Variants in ASIC2 observed in about 807,000 individuals in gnomAD.
ASIC2 encodes acid-sensing ion channel 2.
ASIC2 carries 25 observed loss-of-function variants against 57.3 expected under a neutral mutation model. The ratio of observed to expected loss-of-function variants is 0.44; its 90% CI spans 0.32 to 0.61. The LOEUF (loss-of-function observed/expected upper bound fraction) is 0.61. Ranked by LOEUF, ASIC2 falls within the 20% of genes least tolerant of loss-of-function variation. ASIC2 has a pLI of 0.06. For missense variants in ASIC2, 641 were observed against 738.1 expected, an observed-to-expected ratio of 0.87 and a Z score of 1.52; for synonymous variants, 319 against 307.5, an observed-to-expected ratio of 1.04 and a Z score of -0.39.
chr17:33,484,833 A>T (rs543449310), intron 1 of ASIC2, among the ~76,000 whole-genome samples: 1 of 152,312 alleles, frequency 6.6e-6, no homozygotes, highest in East Asian at 1.9e-4. Context: ...CATAGCAACA[A>T]CACAAAAGCT....
intron 1 of ASIC2, among the ~76,000 whole-genome samples, chr17:33,196,301 G>A (rs1298552616): frequency 6.7e-6 from 1 of 148,892 alleles, no homozygotes; most frequent in Non-Finnish European, 1.5e-5. Context: ...AAAAGTACAC[G>A]AGACGATGAT....
rs1443098013 is a variant in ASIC2, at chr17:34,091,509, T to A, written c.555+64469A>T. Among the ~76,000 whole-genome samples the A allele has an allele frequency of 2.0e-5, 3 of 152,232 alleles. No individual in the cohort carries two copies. In the South Asian group the frequency reaches 6.2e-4, roughly 31 times the overall value. Reference sequence around the variant, plus strand: ...ATCTCCCCATTATGCAGCCAGGAACTGGGGAGTGGGAGAATCCCTGGCAGC... The same window carrying A: ...ATCTCCCCATTATGCAGCCAGGAACAGGGGAGTGGGAGAATCCCTGGCAGC... On this transcript the variant is annotated intron_variant, in intron 1 of 9. Transcript: ENST00000359872.
intron 1 of ASIC2, among the ~76,000 whole-genome samples, chr17:34,135,288 T>C (rs1912095779): frequency 6.6e-6 from 1 of 152,218 alleles, no homozygotes; most frequent in East Asian, 1.9e-4. Context: ...GGCAGCTGAA[T>C]CACTGAAAGC....
chr17:33,939,721 C>T (rs952000428), intron 1 of ASIC2, among the ~76,000 whole-genome samples: 1 of 152,210 alleles, frequency 6.6e-6, no homozygotes, highest in African/African-American at 2.4e-5. Flanking sequence ...TGGAACCAGA[C>T]CGCTGTGGCA....
intron 1 of ASIC2, among the ~76,000 whole-genome samples, chr17:33,469,793 T>A (rs1432462389): frequency 6.6e-6 from 1 of 152,180 alleles, no homozygotes; most frequent in Non-Finnish European, 1.5e-5. Context: ...AGAGGAAATA[T>A]GGTCAATTCC....
At chr17:34,076,365 T>C (rs1446775138) in intron 1 of ASIC2, among the ~76,000 whole-genome samples, 1 of 151,978 alleles carries the variant, frequency 6.6e-6, no homozygotes, top group Non-Finnish European at 1.5e-5. Flanking sequence ...GCCCACCCCA[T>C]TAAAATCACA....
intron 1 of ASIC2, among the ~76,000 whole-genome samples, chr17:33,429,407 T>C (rs1175398373): frequency 6.6e-6 from 1 of 152,062 alleles, no homozygotes; most frequent in African/African-American, 2.4e-5. Flanking sequence ...TTTTGTTTTT[T>C]TGAGACAGAG....
At position 33,465,290 on chromosome 17, in the gene ASIC2, T is replaced by C. The variant is rs555986302; in HGVS notation, c.556-353223A>G. Among the ~76,000 whole-genome samples, 10 of 152,320 alleles carry C rather than the reference T, an allele frequency of 6.6e-5. No individual in the cohort carries two copies. In the South Asian group the frequency reaches 2.1e-3, roughly 32 times the overall value. ...TCAACAGGAAAATTGTTCCTTGGGC[T>C]GAAAATACATTCTTAAGTCCCTTCA... On this transcript the variant is annotated intron_variant, in intron 1 of 9. Transcript: ENST00000359872.
chr17:33,661,625 C>T (rs770991176), intron 1 of ASIC2, among the ~76,000 whole-genome samples: 7 of 152,176 alleles, frequency 4.6e-5, no homozygotes, highest in Non-Finnish European at 1.0e-4. Context: ...GAAATGATAC[C>T]TGAGCTTTGC....
chr17:33,044,393 G>C (rs146989775), intron 3 of ASIC2, among the ~76,000 whole-genome samples: 1 of 150,776 alleles, frequency 6.6e-6, no homozygotes, highest in African/African-American at 2.4e-5. Flanking sequence ...TTTTTTTTGA[G>C]AGTGAGCCTT....
At chr17:33,959,708 T>C (rs1287891962) in intron 1 of ASIC2, among the ~76,000 whole-genome samples, 1 of 152,248 alleles carries the variant, frequency 6.6e-6, no homozygotes, top group East Asian at 1.9e-4. Context: ...ATTCTAGCCA[T>C]GCTGGCAGCT....
At chr17:33,934,447 G>A (rs937419613) in intron 1 of ASIC2, among the ~76,000 whole-genome samples, 2 of 152,140 alleles carry the variant, frequency 1.3e-5, no homozygotes, top group African/African-American at 2.4e-5. Flanking sequence ...CCCTGGTCTC[G>A]GGGAGTTCAT....
chr17:33,173,105 C>T (rs1905590379), intron 1 of ASIC2, among the ~76,000 whole-genome samples: 1 of 152,180 alleles, frequency 6.6e-6, no homozygotes, highest in Admixed American at 6.6e-5. Context: ...ACAGTACGTG[C>T]TCCATATATT....
At chr17:34,040,271 C>T (rs1041208031) in intron 1 of ASIC2, among the ~76,000 whole-genome samples, 6 of 149,710 alleles carry the variant, frequency 4.0e-5, no homozygotes, top group African/African-American at 7.5e-5. Flanking sequence ...GGTGTCGGAA[C>T]CGCTGGTGCC....
chr17:33,821,799 A>G (rs1265878231), intron 1 of ASIC2, among the ~76,000 whole-genome samples: 2 of 152,226 alleles, frequency 1.3e-5, no homozygotes, highest in African/African-American at 4.8e-5. Context: ...AAGTTCACAC[A>G]TATTCTTTAT....
chr17:33,616,164 G>A (rs4794964), intron 1 of ASIC2, among the ~76,000 whole-genome samples: 67,743 of 150,442 alleles, frequency 0.45, 15,455 homozygotes, highest in Middle Eastern at 0.55. Context: ...TATACTGTGT[G>A]GAACCACCCC....
chr17:33,067,411 T>C (rs4795739), intron 3 of ASIC2, among the ~76,000 whole-genome samples: 27,842 of 151,988 alleles, frequency 0.18, 2,654 homozygotes, highest in Non-Finnish European at 0.21. Context: ...GAAGAAAGTG[T>C]TGGATTTGTA....
rs75009784 is a variant in ASIC2 at position 33,243,640 on chromosome 17, C to G, written c.708+47768G>C. On this transcript the variant is annotated intron_variant, in intron 1 of 9. Coordinates refer to ENST00000225823, the MANE Select transcript of ASIC2 (RefSeq NM_183377.2). ...GTTGAGGGAATTCAACATACAGGAA[C>G]GATCCCTCCGGGAAGATTTAAACAC... Among the ~76,000 whole-genome samples, 5 of 152,236 alleles carry G rather than the reference C, an allele frequency of 3.3e-5. No individual in the cohort carries two copies. In the East Asian group the frequency reaches 9.6e-4, roughly 29 times the overall value.
intron 1 of ASIC2, among the ~76,000 whole-genome samples, chr17:33,989,294 G>A (rs1430693898): frequency 6.6e-6 from 1 of 152,056 alleles, no homozygotes; most frequent in Non-Finnish European, 1.5e-5. Flanking sequence ...AAGACTGGCA[G>A]GTTTTAAGCT....
Sources: allele counts gnomAD v4.1 joint callset (sites outside exome capture counted in the v4.1 genomes callset), GRCh38; gene constraint gnomAD v4.1.1; transcripts MANE v1.5; gene names NCBI Gene and HGNC (gene_info 2026-07-23, HGNC 2026-07-21).